The following PTPRT variants were observed in gnomAD, a reference collection of about 807,000 sequenced individuals.
PTPRT encodes the protein protein tyrosine phosphatase receptor type T.
PTPRT carries 56 observed loss-of-function variants against 176.8 expected under a neutral mutation model. The observed-to-expected ratio is 0.32, with a 90% CI of 0.26 to 0.40. The LOEUF is 0.40. PTPRT is among the 10% of genes least tolerant of loss of function. PTPRT has a pLI of 1.00. For missense variants in PTPRT, 1,540 were observed against 1,908.2 expected, an observed-to-expected ratio of 0.81 and a Z score of 3.60; for synonymous variants, 783 against 739.0, an observed-to-expected ratio of 1.06 and a Z score of -0.96.
At chr20:43,106,447 C>T (rs964764760) in intron 1 of PTPRT, among the ~76,000 whole-genome samples, 2 of 152,014 alleles carry the variant, frequency 1.3e-5, no homozygotes, top group Non-Finnish European at 2.9e-5. Flanking sequence ...CACCTGAGGT[C>T]AGGAGTTCGA....
intron 15 of PTPRT, among the ~76,000 whole-genome samples, chr20:42,202,421 G>T (rs1056791969): frequency 2.0e-5 from 3 of 152,062 alleles, no homozygotes; most frequent in Admixed American, 6.5e-5. Flanking sequence ...TAATGCTTTG[G>T]CCACAGGCAC....
At position 42,742,678 on chromosome 20, in the gene PTPRT, A is replaced by G. The variant is rs76392992; in HGVS notation, c.859+13784T>C. Among the ~76,000 whole-genome samples, 1,326 of 152,296 alleles carry G rather than the reference A, an allele frequency of 8.7e-3. 24 individuals carry two copies. The highest frequency in any genetic ancestry group is 0.031 in the African/African-American group (1,270 of 41,540). ...CTTGTGTGCCCAGAAGGAAAAATAA[A>G]TGGTACAGAGAACGTAACATTGTCA... On this transcript the variant is annotated intron_variant, in intron 6 of 30. Coordinates refer to ENST00000373187, the MANE Select transcript of PTPRT (RefSeq NM_007050.6).
At chr20:42,946,620 T>C (rs995636343) in intron 1 of PTPRT, among the ~76,000 whole-genome samples, 14 of 152,166 alleles carry the variant, frequency 9.2e-5, no homozygotes, top group Non-Finnish European at 1.5e-4. Flanking sequence ...TTAGATTATC[T>C]GGCAAAAAAT....
intron 7 of PTPRT, among the ~76,000 whole-genome samples, chr20:42,639,881 C>T (rs77981985): frequency 5.8e-4 from 88 of 152,130 alleles, no homozygotes; most frequent in African/African-American, 1.9e-3. Flanking sequence ...GGCCATGGTC[C>T]GTCAGCATTT....
chr20:43,172,381 G>A (rs540537523), intron 1 of PTPRT, among the ~76,000 whole-genome samples: 2 of 152,270 alleles, frequency 1.3e-5, no homozygotes, highest in East Asian at 3.9e-4. Flanking sequence ...GCAAGCCCTT[G>A]CACAGGCTGT....
rs201404920 is a variant in PTPRT, at chr20:42,859,584, T to A, written c.214+26223A>T. Among the ~76,000 whole-genome samples, 149 of 130,726 alleles carry A rather than the reference T, an allele frequency of 1.1e-3. 1 individual carries two copies. Among genetic ancestry groups the A allele is most frequent in the Non-Finnish European group, 2.0e-3 (128 of 63,296 alleles). 85.8% of individuals were successfully genotyped at this position (130,726 alleles called of 152,430 possible). A position where few individuals can be genotyped will look rare whatever the true frequency, so the allele number is the denominator to read the frequency against. ...AGCTCAGTTTGTTTATTTTTTTTTT[T>A]AATTTTTTTTTTTTTTTGAGATGGA... On this transcript the variant is annotated intron_variant, in intron 2 of 30. Transcript: ENST00000373187.
chr20:42,217,582 A>G (rs545650312), intron 15 of PTPRT, among the ~76,000 whole-genome samples: 70 of 152,304 alleles, frequency 4.6e-4, no homozygotes, highest in African/African-American at 1.7e-3. Flanking sequence ...CTGGAAACAC[A>G]GCTTCCTCTA....
chr20:42,771,978 A>G (rs2077069487), intron 4 of PTPRT, among the ~76,000 whole-genome samples: 1 of 152,206 alleles, frequency 6.6e-6, no homozygotes, highest in Non-Finnish European at 1.5e-5. Flanking sequence ...AAACTACGAC[A>G]CTGAAAGTTA....
In PTPRT at chr20:43,015,420, G is replaced by A. The variant is rs189240448; in HGVS notation, c.89-129488C>T. 5.2e-4 allele frequency among the ~76,000 whole-genome samples: 79 copies of A among 152,332 alleles called. 1 individual carries two copies. The highest frequency in any genetic ancestry group is 1.6e-3 in the African/African-American group (66 of 41,576). ...CTTTGGAGCAATAATAAATCACGGA[G>A]TGACCAAAAGTATTTTACGGGTATC... On this transcript the variant is annotated intron_variant, in intron 1 of 30. Transcript: ENST00000373187.
At chr20:42,376,133 T>C (rs181033658) in intron 9 of PTPRT, among the ~76,000 whole-genome samples, 3 of 152,286 alleles carry the variant, frequency 2.0e-5, no homozygotes, top group East Asian at 3.9e-4. Context: ...AAAACTGTGA[T>C]GAACGGGACT....
At chr20:42,388,531 A>G (rs1004850087) in intron 9 of PTPRT, among the ~76,000 whole-genome samples, 1 of 152,262 alleles carries the variant, frequency 6.6e-6, no homozygotes, top group Admixed American at 6.5e-5. Flanking sequence ...AAAAATGCTC[A>G]TCATCACTGG....
At chr20:42,455,562 T>C (rs879582723) in intron 8 of PTPRT, among the ~76,000 whole-genome samples, 1 of 152,220 alleles carries the variant, frequency 6.6e-6, no homozygotes, top group Non-Finnish European at 1.5e-5. Flanking sequence ...AAATTTTCAT[T>C]GACATTTAAG....
intron 7 of PTPRT, among the ~76,000 whole-genome samples, chr20:42,565,702 G>C (rs1047230573): frequency 5.3e-5 from 8 of 152,154 alleles, no homozygotes; most frequent in African/African-American, 1.7e-4. Flanking sequence ...TTCTCCTGCA[G>C]ATCAGCCTGT....
chr20:42,170,231 A>G (rs1254804362), intron 16 of PTPRT, among the ~76,000 whole-genome samples: 1 of 152,230 alleles, frequency 6.6e-6, no homozygotes, highest in African/African-American at 2.4e-5. Context: ...CATCTCATTC[A>G]ACCAACTCTA....
At chr20:42,609,443 C>A (rs554919618) in intron 7 of PTPRT, among the ~76,000 whole-genome samples, 2 of 152,198 alleles carry the variant, frequency 1.3e-5, no homozygotes, top group African/African-American at 4.8e-5. Context: ...GAACCTAGGT[C>A]CTTGCCTTTA....
intron 7 of PTPRT, among the ~76,000 whole-genome samples, chr20:42,635,256 C>A (rs1477480158): frequency 6.6e-6 from 1 of 151,992 alleles, no homozygotes; most frequent in African/African-American, 2.4e-5. Flanking sequence ...AATGTGTCCC[C>A]AGATGAAAAA....
intron 3 of PTPRT, among the ~76,000 whole-genome samples, chr20:42,783,735 ACT>A (rs2145511600): frequency 6.6e-6 from 1 of 152,238 alleles, no homozygotes; most frequent in South Asian, 2.1e-4. Flanking sequence ...ACCCAAGCAC[ACT>A]CTCAAGAAAA....
chr20:42,223,344 A>G (rs970135440), intron 15 of PTPRT, among the ~76,000 whole-genome samples: 1 of 152,188 alleles, frequency 6.6e-6, no homozygotes, highest in Non-Finnish European at 1.5e-5. Context: ...TCCCCAATTT[A>G]CAGATGAGAG....
At chr20:42,208,975 A>C (rs1319170405) in intron 15 of PTPRT, among the ~76,000 whole-genome samples, 1 of 152,206 alleles carries the variant, frequency 6.6e-6, no homozygotes, top group African/African-American at 2.4e-5. Context: ...TCAAACTAGA[A>C]CTCAGGATTA....
Sources: allele counts gnomAD v4.1 joint callset (sites outside exome capture counted in the v4.1 genomes callset), GRCh38; gene constraint gnomAD v4.1.1; transcripts MANE v1.5; gene names NCBI Gene and HGNC (gene_info 2026-07-23, HGNC 2026-07-21).